The following RIMS1 variants were observed in gnomAD, a reference collection of about 807,000 sequenced individuals.
RIMS1 encodes the protein regulating synaptic membrane exocytosis protein 1.
A neutral mutation model predicts 214.1 loss-of-function variants in RIMS1; 83 were observed. That is an observed-to-expected ratio of 0.39 (90% CI 0.32 to 0.47). The LOEUF is 0.47. Ranked by LOEUF, RIMS1 falls within the 20% of genes least tolerant of loss-of-function variation. RIMS1 has a pLI of 0.99. For synonymous variants in RIMS1, 793 were observed against 786.8 expected (o/e 1.01, Z -0.13); for missense variants, 2,050 against 2,161.8 (o/e 0.95, Z 1.03).
At chr6:72,063,520 C>A (rs1280040144) in intron 2 of RIMS1, among the ~76,000 whole-genome samples, 3 of 152,204 alleles carry the variant, frequency 2.0e-5, no homozygotes, top group East Asian at 3.8e-4. Flanking sequence ...CCTTCAAACC[C>A]TGAAGGAACT....
At chr6:72,108,268 A>G (rs367846609) in intron 4 of RIMS1, among the ~76,000 whole-genome samples, 557 of 55,654 alleles carry the variant, frequency 0.01, 4 homozygotes, top group South Asian at 0.03. Context: ...GTGTGTGTGT[A>G]TGTGGAGACT....
At chr6:71,945,219 G>A (rs140768633) in intron 1 of RIMS1, among the ~76,000 whole-genome samples, 2 of 152,120 alleles carry the variant, frequency 1.3e-5, no homozygotes, top group Admixed American at 6.5e-5. Flanking sequence ...TGCCTCCCCA[G>A]TCCTGAAAGA....
chr6:72,147,970 T>A (rs1176621487), intron 4 of RIMS1, among the ~76,000 whole-genome samples: 2 of 152,188 alleles, frequency 1.3e-5, no homozygotes, highest in East Asian at 1.9e-4. Flanking sequence ...CCCTACACTG[T>A]GGAGCCCTAT....
chr6:72,281,921 A>T (rs2090292286), intron 23 of RIMS1, among the ~76,000 whole-genome samples: 1 of 151,954 alleles, frequency 6.6e-6, no homozygotes, highest in East Asian at 1.9e-4. Flanking sequence ...TTTGTCTTGT[A>T]TCAACAAAGT....
intron 29 of RIMS1, among the ~76,000 whole-genome samples, chr6:72,354,809 G>C (rs1322109248): frequency 6.6e-6 from 1 of 152,170 alleles, no homozygotes; most frequent in Non-Finnish European, 1.5e-5. Context: ...TTGGGGTTCT[G>C]TTAACATAAG....
chr6:72,094,413 C>G (rs1181441762), intron 2 of RIMS1, among the ~76,000 whole-genome samples: 1 of 151,966 alleles, frequency 6.6e-6, no homozygotes, highest in Non-Finnish European at 1.5e-5. Flanking sequence ...ACAAAGATTT[C>G]CTGAAACAGG....
rs544355585 is a variant in RIMS1, at chr6:71,983,851, T to C, written c.245+14788T>C. Reference sequence around the variant, plus strand: ...TCTTGTATATTTAAAAGATGTTCTTTCTTAAATTCCATTTTTATCATATTA... The same window carrying C: ...TCTTGTATATTTAAAAGATGTTCTTCCTTAAATTCCATTTTTATCATATTA... On this transcript the variant is annotated intron_variant, in intron 2 of 33. Transcript: ENST00000521978. 4.6e-5 allele frequency among the ~76,000 whole-genome samples: 7 copies of C among 152,350 alleles called. No individual in the cohort carries two copies. In the East Asian group the frequency reaches 1.3e-3, roughly 29 times the overall value.
intron 4 of RIMS1, among the ~76,000 whole-genome samples, chr6:72,154,907 A>C (rs2044235298): frequency 7.1e-6 from 1 of 140,364 alleles, no homozygotes; most frequent in Non-Finnish European, 1.6e-5. Flanking sequence ...TACTGAGATA[A>C]TCATCATAGC....
At chr6:72,269,901 T>A (rs2154183612) in intron 22 of RIMS1, among the ~76,000 whole-genome samples, 1 of 152,316 alleles carries the variant, frequency 6.6e-6, no homozygotes, top group Admixed American at 6.5e-5. Flanking sequence ...AAATACCATA[T>A]CTTTGTAAAA....
chr6:72,400,435 A>C (rs2098827620), intron 33 of RIMS1, 61 bp from the exon 34 acceptor site: 2 of 1,420,252 alleles, frequency 1.4e-6, no homozygotes, highest in Non-Finnish European at 2.0e-6. Flanking sequence ...AGTTGCTTTG[A>C]GCCCTTCGAA....
Position 72,274,389 on chromosome 6 carries a change from A to C in RIMS1, c.3439A>C (p.Ser1147Arg). 6.2e-7 allele frequency: 1 copy of C among 1,613,336 alleles called. No homozygotes were observed. The highest frequency in any genetic ancestry group is 8.5e-7 in the Non-Finnish European group (1 of 1,179,474). Residue 1147 changes from serine (S) to arginine (R), a missense_variant, in exon 23 of 34, where the codon AGT becomes CGT. This residue lies in a region of RIMS1 where 889 missense variants were observed against 885.5 expected (regional missense o/e 1.00). Transcript: ENST00000521978. The part of the protein sequence containing the change: ...SPSLDRRRPP[S>R]PRIQIQHASP... ...CTCCCTAGATAGGAGACGACCTCCT[A>C]GTCCCAGGATTCAAATCCAGCATGC...
chr6:72,274,660 G>T (rs1461290718), intron 23 of RIMS1, among the ~76,000 whole-genome samples: 1 of 152,156 alleles, frequency 6.6e-6, no homozygotes, highest in Non-Finnish European at 1.5e-5. Context: ...TCCATTGAAA[G>T]GATGTTCTGT....
At position 72,259,106 on chromosome 6, in the gene RIMS1, A is replaced by G. The variant is rs762076813; in HGVS notation, c.3048A>G (p.Gln1016=). The change falls in exon 18 of 34, where the codon CAA becomes CAG. Residue 1016 remains glutamine (Q), a synonymous_variant. Coordinates refer to ENST00000521978, the MANE Select transcript of RIMS1 (RefSeq NM_014989.7). Reference sequence around the variant, plus strand: ...TGGATAGTCAGTATTTATCAGAACAAGACAGGTATTTGTCAAAATTATGAT... The same window carrying G: ...TGGATAGTCAGTATTTATCAGAACAGGACAGGTATTTGTCAAAATTATGAT... The part of the protein sequence containing the change: ...RDVDSQYLSE[Q]DSELLMLPRA... 1 of 1,611,640 alleles carries G rather than the reference A, an allele frequency of 6.2e-7. No homozygotes were observed. The highest frequency in any genetic ancestry group is 1.7e-5 in the Admixed American group (1 of 59,786).
intron 26 of RIMS1, among the ~76,000 whole-genome samples, chr6:72,296,857 A>G (rs1427723502): frequency 6.6e-6 from 1 of 151,928 alleles, no homozygotes; most frequent in Non-Finnish European, 1.5e-5. Flanking sequence ...AGAGATTATG[A>G]CATTTGCCCA....
chr6:72,194,577 A>C (rs145497588), intron 6 of RIMS1, among the ~76,000 whole-genome samples: 3 of 152,318 alleles, frequency 2.0e-5, no homozygotes, highest in East Asian at 1.9e-4. Context: ...AATAAAATAC[A>C]ACTTGATAAA....
At chr6:72,068,694 C>T (rs563025976) in intron 2 of RIMS1, among the ~76,000 whole-genome samples, 28 of 151,988 alleles carry the variant, frequency 1.8e-4, no homozygotes, top group Admixed American at 2.6e-4. Flanking sequence ...GAGACTGAGG[C>T]GGGCGGATCA....
chr6:71,980,448 G>A (rs1276860851), intron 2 of RIMS1, among the ~76,000 whole-genome samples: 2 of 152,036 alleles, frequency 1.3e-5, no homozygotes. Context: ...TCAGGCAAGG[G>A]GGACATTGAA....
intron 2 of RIMS1, among the ~76,000 whole-genome samples, chr6:72,076,870 G>A (rs1832025239): frequency 6.6e-6 from 1 of 152,058 alleles, no homozygotes; most frequent in Admixed American, 6.6e-5. Context: ...TGGTTTCCCT[G>A]GGAAAAACAA....
chr6:72,121,923 G>T (rs976726958), intron 4 of RIMS1, among the ~76,000 whole-genome samples: 2 of 151,840 alleles, frequency 1.3e-5, no homozygotes, highest in African/African-American at 4.8e-5. Context: ...TGTGGTTTTT[G>T]TCTTTGGTTC....
Sources: gnomAD v4.1 joint callset for allele counts (sites outside exome capture counted in the v4.1 genomes callset) on GRCh38, gnomAD v4.1.1 for gene constraint, gnomAD v4.1.1 regional missense constraint, MANE v1.5 for transcripts, NCBI Gene and HGNC (gene_info 2026-07-23, HGNC 2026-07-21) for gene names.